Variants in MYCBP2 observed in about 807,000 individuals in gnomAD.
MYCBP2 encodes the protein E3 ubiquitin-protein ligase MYCBP2.
A neutral mutation model predicts 525.3 loss-of-function variants in MYCBP2; 120 were observed. The observed-to-expected ratio is 0.23, with a 90% CI of 0.20 to 0.27. MYCBP2 has a LOEUF of 0.27. Ranked by LOEUF, MYCBP2 falls within the 10% of genes least tolerant of loss-of-function variation. The pLI, the probability that MYCBP2 is intolerant of heterozygous loss-of-function variation, is 1.00. For synonymous variants in MYCBP2, 1,894 were observed against 1,955.8 expected (o/e 0.97, Z 0.83); for missense variants, 4,149 against 5,657.1 (o/e 0.73, Z 8.55).
chr13:77,326,818 C>T lies in MYCBP2; in HGVS notation c.-43G>A. 7.2e-7 allele frequency: 1 copy of T among 1,387,662 alleles called. No homozygotes were observed. Among genetic ancestry groups the T allele is most frequent in the Non-Finnish European group, 9.2e-7 (1 of 1,083,590 alleles). 86.0% of individuals were successfully genotyped at this position (1,387,662 alleles called of 1,614,324 possible). A position where few individuals can be genotyped will look rare whatever the true frequency, so the allele number is the denominator to read the frequency against. The stretch of plus-strand genomic sequence containing the variant: ...CCGCCGCCGCCTCGTCCCCGCGGGC[C>T]GGGCGGGCAGACACGCGCGCGCACA... On this transcript the variant is annotated 5_prime_UTR_variant, in exon 1 of 83. Coordinates refer to ENST00000544440, the MANE Select transcript of MYCBP2 (RefSeq NM_015057.5). This position sits in a 1 kb window ranked among gnomAD's most constrained non-coding sequence, Gnocchi z 4.2.
Position 77,317,242 on chromosome 13 carries a change from G to A in MYCBP2, c.302+9232C>T, listed in dbSNP as rs140826619. 1.3e-3 allele frequency among the ~76,000 whole-genome samples: 196 copies of A among 152,290 alleles called. 1 individual carries two copies. Among genetic ancestry groups the A allele is most frequent in the East Asian group, 2.5e-3 (13 of 5,190 alleles). ...GCTGGGATTACAGGCGTGAGCCATC[G>A]TGCCCAGCCTGGTGACTTCTTTATT... On this transcript the variant is annotated intron_variant, in intron 1 of 82. Transcript: ENST00000544440.
intron 14 of MYCBP2, among the ~76,000 whole-genome samples, chr13:77,254,930 T>A (rs776347767): frequency 6.6e-6 from 1 of 151,994 alleles, no homozygotes; most frequent in Non-Finnish European, 1.5e-5. Flanking sequence ...ATAACAATAT[T>A]TCATTCTTTT....
intron 46 of MYCBP2, among the ~76,000 whole-genome samples, chr13:77,152,329 T>G (rs1049552359): frequency 7.2e-5 from 11 of 152,240 alleles, no homozygotes; most frequent in African/African-American, 2.6e-4. Context: ...TGGTTAAAAT[T>G]TCAACTCAAA....
intron 76 of MYCBP2, 116 bp downstream of exon 76, chr13:77,061,053 A>T: frequency 9.0e-7 from 1 of 1,116,760 alleles, no homozygotes; most frequent in Non-Finnish European, 1.2e-6. Context: ...TAGATCAATG[A>T]TGTCATAATT....
In MYCBP2 at chr13:77,064,644, A is replaced by T; in HGVS notation, c.12643T>A (p.Ser4215Thr). Residue 4215 changes from serine to threonine, a missense_variant, in exon 73 of 83, where the codon TCT becomes ACT. Transcript: ENST00000544440. ...GTTGTTGCAATACATCTCACTGGAG[A>T]CCTAAATTCTTCTTCCATCTTGGTC... ...ALTKMEEEFRSPVRCIATTRL... is the reference protein window; with the variant it reads ...ALTKMEEEFRTPVRCIATTRL... 1 of 1,613,346 alleles carries T rather than the reference A, an allele frequency of 6.2e-7. No homozygotes were observed. The highest frequency in any genetic ancestry group is 8.5e-7 in the Non-Finnish European group (1 of 1,179,600).
At chr13:77,279,447 A>T (rs1263847301) in intron 3 of MYCBP2, among the ~76,000 whole-genome samples, 1 of 152,182 alleles carries the variant, frequency 6.6e-6, no homozygotes, top group African/African-American at 2.4e-5. Context: ...TAAATTTGTT[A>T]CTAAAGATTG....
chr13:77,108,712 T>A (rs907860931), intron 55 of MYCBP2, among the ~76,000 whole-genome samples: 4 of 152,002 alleles, frequency 2.6e-5, no homozygotes, highest in East Asian at 3.9e-4. Flanking sequence ...TTTATTTTTT[T>A]TTTTTTTTTG....
Position 77,267,961 on chromosome 13 carries a change from T to C in MYCBP2, c.1261-24A>G, listed in dbSNP as rs550264579. 2.6e-6 allele frequency: 4 copies of C among 1,519,338 alleles called. No individual in the cohort carries two copies. The African/African-American group carries it at 5.5e-5, about 21-fold the overall frequency. 94.1% of individuals were successfully genotyped at this position (1,519,338 alleles called of 1,614,324 possible). On this transcript the variant is annotated intron_variant, in intron 7 of 82. Transcript: ENST00000544440. ...CCCTGATAACAGCAAAAAATTTTCC[T>C]GTTAAAATATTTATTACTAATTCAG...
intron 39 of MYCBP2, 99 bp downstream of exon 39, chr13:77,169,515 C>A (rs1388461740): frequency 1.1e-6 from 1 of 917,764 alleles, no homozygotes. Flanking sequence ...ATCCCAGATG[C>A]CTCAAAGATG....
intron 21 of MYCBP2, among the ~76,000 whole-genome samples, chr13:77,212,945 A>G (rs2064236045): frequency 6.6e-6 from 1 of 152,112 alleles, no homozygotes; most frequent in Admixed American, 6.5e-5. Flanking sequence ...GGAACAAGGG[A>G]GCCTGGAGCA....
intron 52 of MYCBP2, among the ~76,000 whole-genome samples, chr13:77,126,782 G>A (rs2051748320): frequency 1.3e-5 from 2 of 152,110 alleles, no homozygotes; most frequent in South Asian, 4.2e-4. Context: ...TCAACCTCTG[G>A]CTTCTGCCCA....
chr13:77,111,921 C>T (rs185153281), intron 55 of MYCBP2, among the ~76,000 whole-genome samples: 6 of 152,272 alleles, frequency 3.9e-5, no homozygotes, highest in African/African-American at 1.4e-4. Flanking sequence ...CCTTCATGAT[C>T]CAGCCCCAAC....
chr13:77,065,905 A>C (rs982643891), intron 72 of MYCBP2, 87 bp downstream of exon 72: 2 of 855,640 alleles, frequency 2.3e-6, no homozygotes, highest in Non-Finnish European at 3.7e-6. Flanking sequence ...ACACTAATCT[A>C]CATCTCCTAT....
At chr13:77,194,532 G>A (rs955901072) in intron 26 of MYCBP2, among the ~76,000 whole-genome samples, 1 of 152,024 alleles carries the variant, frequency 6.6e-6, no homozygotes, top group Non-Finnish European at 1.5e-5. Flanking sequence ...CCTAATATGT[G>A]CATCTGAAAA....
chr13:77,254,141 T>C lies in MYCBP2; in HGVS notation c.2177-2786A>G, dbSNP rs117639927. Among the ~76,000 whole-genome samples the C allele has an allele frequency of 9.2e-5, 14 of 151,882 alleles. No homozygotes were observed. The East Asian group carries it at 2.7e-3, about 29-fold the overall frequency. On this transcript the variant is annotated intron_variant, in intron 14 of 82. Transcript: ENST00000544440. ...AAAAAAATTTGTAGAAAAATGTAAA[T>C]AACAGATTAACACTTATAAAAACAC...
chr13:77,077,063 A>G (rs765754163), intron 67 of MYCBP2, 85 bp downstream of exon 67: 225 of 1,517,972 alleles, frequency 1.5e-4, no homozygotes, highest in Non-Finnish European at 1.9e-4. Flanking sequence ...AATTTCTGTA[A>G]TAAGTTTCAC....
At chr13:77,170,870 C>T (rs569487744) in intron 38 of MYCBP2, among the ~76,000 whole-genome samples, 34 of 152,172 alleles carry the variant, frequency 2.2e-4, no homozygotes, top group Admixed American at 1.1e-3. Context: ...CCACCATGTC[C>T]GGCCATAACC....
At chr13:77,070,414 T>C (rs1289327658) in intron 69 of MYCBP2, among the ~76,000 whole-genome samples, 1 of 152,198 alleles carries the variant, frequency 6.6e-6, no homozygotes, top group Non-Finnish European at 1.5e-5. Context: ...GATTTTTTTT[T>C]CTTGCAATTT....
chr13:77,147,821 T>G (rs947610764), intron 47 of MYCBP2, among the ~76,000 whole-genome samples: 3 of 152,132 alleles, frequency 2.0e-5, no homozygotes, highest in Admixed American at 6.6e-5. Flanking sequence ...CTACAATACT[T>G]GGCTCACTAC....
Sources: allele counts gnomAD v4.1 joint callset (sites outside exome capture counted in the v4.1 genomes callset), GRCh38; gene constraint gnomAD v4.1.1; non-coding constraint Gnocchi (gnomAD v3.1); transcripts MANE v1.5; gene names NCBI Gene and HGNC (gene_info 2026-07-23, HGNC 2026-07-21).